Variants in KCNH5 observed in about 807,000 individuals in gnomAD.
The protein encoded by KCNH5 is voltage-gated delayed rectifier potassium channel KCNH5.
KCNH5 carries 46 observed loss-of-function variants against 96.1 expected under a neutral mutation model. That is an observed-to-expected ratio of 0.48 (90% CI 0.38 to 0.61). The LOEUF (loss-of-function observed/expected upper bound fraction) is 0.61. Among genes scored for constraint, KCNH5 ranks in the 20% least tolerant of loss-of-function variants. The probability of loss-of-function intolerance (pLI) is 0.00; values close to 1 mark genes in which losing one functional copy is unlikely to be tolerated. For synonymous variants in KCNH5, 439 were observed against 449.8 expected (o/e 0.98, Z 0.30); for missense variants, 907 against 1,225.8 (o/e 0.74, Z 3.88).
intron 1 of KCNH5, among the ~76,000 whole-genome samples, chr14:63,041,636 T>A (rs1345812839): frequency 6.6e-6 from 1 of 152,184 alleles, no homozygotes; most frequent in Non-Finnish European, 1.5e-5. Context: ...CTAGAAATGA[T>A]CTTATCTTTT....
intron 10 of KCNH5, among the ~76,000 whole-genome samples, chr14:62,742,206 T>A (rs1885285226): frequency 6.6e-6 from 1 of 152,206 alleles, no homozygotes; most frequent in South Asian, 2.1e-4. Flanking sequence ...TCCACTTATT[T>A]TAGATTTTTT....
At chr14:62,888,992 A>G (rs187422704) in intron 7 of KCNH5, among the ~76,000 whole-genome samples, 11 of 152,322 alleles carry the variant, frequency 7.2e-5, no homozygotes, top group Non-Finnish European at 8.8e-5. Context: ...TTTATCCTTA[A>G]GTGCCAGCTG....
chr14:62,849,869 G>T lies in KCNH5; in HGVS notation c.1370-17C>A. 6.3e-7 allele frequency: 1 copy of T among 1,581,624 alleles called. No individual in the cohort carries two copies. Among genetic ancestry groups the T allele is most frequent in the South Asian group, 1.1e-5 (1 of 89,532 alleles). ...AAAGAAGAGCTGAAAGAGAAGAAAT[G>T]ATAAAAATAAAACAAATATCTCATG... is the stretch of plus-strand genomic sequence containing the variant. On this transcript the variant is annotated splice_polypyrimidine_tract_variant and intron_variant, in intron 7 of 10. Coordinates refer to ENST00000322893, the MANE Select transcript of KCNH5 (RefSeq NM_139318.5).
chr14:62,870,978 T>C (rs898180781), intron 7 of KCNH5, among the ~76,000 whole-genome samples: 1 of 152,326 alleles, frequency 6.6e-6, no homozygotes, highest in South Asian at 2.1e-4. Flanking sequence ...ATAAACACTT[T>C]AAAATTGTTC....
At chr14:62,797,666 TA>T in intron 9 of KCNH5, among the ~76,000 whole-genome samples, 1 of 152,254 alleles carries the variant, frequency 6.6e-6, no homozygotes, top group Middle Eastern at 3.4e-3. Context: ...AGGAGATTTT[TA>T]ATTTTGAGCA....
chr14:62,996,723 T>C (rs988038927), intron 4 of KCNH5, among the ~76,000 whole-genome samples: 1 of 152,132 alleles, frequency 6.6e-6, no homozygotes, highest in African/African-American at 2.4e-5. Context: ...TTTCCATAAA[T>C]AGATATGTAG....
intron 7 of KCNH5, among the ~76,000 whole-genome samples, chr14:62,928,260 T>A (rs563218054): frequency 3.3e-5 from 5 of 152,162 alleles, no homozygotes; most frequent in African/African-American, 1.2e-4. Context: ...AGTTAACATG[T>A]TTTTCAGATT....
chr14:62,953,697 C>T (rs1019410154), intron 6 of KCNH5, among the ~76,000 whole-genome samples: 1 of 152,148 alleles, frequency 6.6e-6, no homozygotes. Flanking sequence ...TGCCTAAATG[C>T]TCAAAATATA....
intron 4 of KCNH5, among the ~76,000 whole-genome samples, chr14:62,995,148 T>C (rs1274874687): frequency 3.3e-5 from 5 of 151,812 alleles, no homozygotes; most frequent in Non-Finnish European, 7.4e-5. Context: ...CAATCATATG[T>C]CTAAGTTTCT....
chr14:62,881,759 A>T lies in KCNH5; in HGVS notation c.1370-31907T>A, dbSNP rs377422927. Among the ~76,000 whole-genome samples the T allele has an allele frequency of 4.4e-4, 67 of 152,148 alleles. 5 individuals carry two copies. In the South Asian group the frequency reaches 8.5e-3, roughly 19 times the overall value. ...AAGTATCCATATTTTACAGACCCAG[A>T]CGAAAAAGAATATTCAGATTAAATC... On this transcript the variant is annotated intron_variant, in intron 7 of 10. Transcript: ENST00000322893.
intron 7 of KCNH5, among the ~76,000 whole-genome samples, chr14:62,855,371 C>G (rs1301968528): frequency 6.6e-6 from 1 of 152,134 alleles, no homozygotes; most frequent in Non-Finnish European, 1.5e-5. Flanking sequence ...GTGCAGGATA[C>G]AGCTTGAGAA....
chr14:62,944,802 T>G (rs1037584080), intron 7 of KCNH5, among the ~76,000 whole-genome samples: 2 of 152,058 alleles, frequency 1.3e-5, no homozygotes, highest in African/African-American at 4.8e-5. Flanking sequence ...AAAGGGAAAT[T>G]TAAAGGTATC....
At chr14:62,876,408 T>A (rs1888373310) in intron 7 of KCNH5, among the ~76,000 whole-genome samples, 1 of 152,222 alleles carries the variant, frequency 6.6e-6, no homozygotes, top group Non-Finnish European at 1.5e-5. Flanking sequence ...AAAGGTGACG[T>A]ATAGTTTACA....
At chr14:63,019,190 C>T (rs1891382362) in intron 1 of KCNH5, among the ~76,000 whole-genome samples, 1 of 151,788 alleles carries the variant, frequency 6.6e-6, no homozygotes. Context: ...CTCAGTAAAC[C>T]ACAAGAGAGA....
At chr14:63,019,605 AT>A (rs1313233791) in intron 1 of KCNH5, among the ~76,000 whole-genome samples, 2 of 152,008 alleles carry the variant, frequency 1.3e-5, no homozygotes, top group African/African-American at 4.8e-5. Context: ...TTTTCAATGA[AT>A]TTTATTGAAA....
chr14:63,041,554 A>C (rs1011018280), intron 1 of KCNH5, among the ~76,000 whole-genome samples: 1 of 152,132 alleles, frequency 6.6e-6, no homozygotes, highest in African/African-American at 2.4e-5. Flanking sequence ...TAAACTTTAC[A>C]ACTTCTTAGA....
At position 63,026,118 on chromosome 14, in the gene KCNH5, G is replaced by T. The variant is rs184250392; in HGVS notation, c.74-9164C>A. ...ACCAAAAACATACAATGAGGAAAGG[G>T]CAATCTCTTCAATCAAGGATGTTGG... On this transcript the variant is annotated intron_variant, in intron 1 of 10. Coordinates refer to ENST00000322893, the MANE Select transcript of KCNH5 (RefSeq NM_139318.5). 4.5e-4 allele frequency among the ~76,000 whole-genome samples: 69 copies of T among 152,038 alleles called. 2 individuals carry two copies. The East Asian group carries it at 0.013, about 28-fold the overall frequency.
At chr14:62,853,921 C>T (rs906361391) in intron 7 of KCNH5, among the ~76,000 whole-genome samples, 6 of 150,350 alleles carry the variant, frequency 4.0e-5, no homozygotes, top group South Asian at 2.1e-4. Flanking sequence ...GCAGGAGAAT[C>T]GCTTGAACCC....
chr14:62,741,576 A>G (rs913722679), intron 10 of KCNH5, among the ~76,000 whole-genome samples: 1 of 152,142 alleles, frequency 6.6e-6, no homozygotes, highest in Non-Finnish European at 1.5e-5. Flanking sequence ...TAAAGCATGG[A>G]AAGGAGAATC....
Sources: gnomAD v4.1 joint callset for allele counts (sites outside exome capture counted in the v4.1 genomes callset) on GRCh38, gnomAD v4.1.1 for gene constraint, MANE v1.5 for transcripts, NCBI Gene and HGNC (gene_info 2026-07-23, HGNC 2026-07-21) for gene names.